The following HPS5 variants were observed in gnomAD, a reference collection of about 807,000 sequenced individuals.
HPS5 encodes the protein BLOC-2 complex member HPS5.
HPS5 carries 83 observed loss-of-function variants against 128.0 expected under a neutral mutation model. The observed-to-expected ratio is 0.65, with a 90% CI of 0.54 to 0.78. The LOEUF is 0.78. HPS5 is among the 30% of genes least tolerant of loss of function. The pLI is 0.00. For missense variants in HPS5, 1,281 were observed against 1,326.2 expected, an observed-to-expected ratio of 0.97 and a Z score of 0.53; for synonymous variants, 475 against 470.2, an observed-to-expected ratio of 1.01 and a Z score of -0.13.
At chr11:18,312,233 G>T (rs560394884) in intron 2 of HPS5, among the ~76,000 whole-genome samples, 6 of 152,296 alleles carry the variant, frequency 3.9e-5, no homozygotes, top group African/African-American at 1.2e-4. Flanking sequence ...ACTTCTAAAT[G>T]AATCTCACAA....
At position 18,317,872 on chromosome 11, in the gene HPS5, T is replaced by G. The variant is rs1420956324; in HGVS notation, c.-14A>C. 1.9e-6 allele frequency: 3 copies of G among 1,609,998 alleles called. No homozygotes were observed. The highest frequency in any genetic ancestry group is 3.4e-5 in the Admixed American group (2 of 59,616). On this transcript the variant is annotated 5_prime_UTR_variant, in exon 2 of 23. Coordinates refer to ENST00000349215, the MANE Select transcript of HPS5 (RefSeq NM_181507.2). ...CACAAAAGCCATTTAGCCAGAAAGC[T>G]GAAACTTGTTGAATGATAGATACAG...
chr11:18,298,140 T>A (rs947590796), intron 10 of HPS5, among the ~76,000 whole-genome samples: 3 of 149,462 alleles, frequency 2.0e-5, no homozygotes, highest in African/African-American at 7.4e-5. Flanking sequence ...AAAACTTCAA[T>A]GGTGCTTTAA....
rs1399655388 is a variant in HPS5, at chr11:18,298,870, T to C, written c.1086A>G (p.Glu362=). Residue 362 remains glutamate (E), a synonymous_variant, in exon 10 of 23, where the codon GAA becomes GAG. Transcript: ENST00000349215. ...TCCATAGGCCTCTTCTTAGCAGGCG[T>C]TCCACACAGCGCTCCACAGATATCA... is the stretch of plus-strand genomic sequence containing the variant. ...LSLISVERCV[E]RLLRRGLWNL... is the part of the protein sequence containing the mutation. The C allele has an allele frequency of 1.2e-6, 2 of 1,614,050 alleles. No homozygotes were observed. Among genetic ancestry groups the C allele is most frequent in the Non-Finnish European group, 1.7e-6 (2 of 1,180,040 alleles).
chr11:18,286,625 T>C lies in HPS5; in HGVS notation c.2803A>G (p.Ser935Gly), dbSNP rs1211816230. ...LLAVSLDAPP[S>G]TSTMDDEGYP... ...CCTTCATCATCCATTGTGCTGGTGC[T>C]TGGTGGAGCATCAAGGGACACTGCC... The change falls in exon 19 of 23, where the codon AGC becomes GGC. Residue 935 changes from serine to glycine, a missense_variant. Ser to Gly is a moderately conservative substitution (Grantham distance 56, BLOSUM62 0). Transcript: ENST00000349215. 1.2e-6 allele frequency: 2 copies of C among 1,613,960 alleles called. No homozygotes were observed. Among genetic ancestry groups the C allele is most frequent in the Non-Finnish European group, 1.7e-6 (2 of 1,179,992 alleles).
At chr11:18,300,795 G>T in intron 9 of HPS5, 33 bp downstream of exon 9, 1 of 1,071,668 alleles carries the variant, frequency 9.3e-7, no homozygotes, top group Non-Finnish European at 1.4e-6. Flanking sequence ...TCATAAGCAT[G>T]AGATTAAAAA....
chr11:18,305,207 T>C (rs147743225), intron 8 of HPS5, among the ~76,000 whole-genome samples: 1 of 152,366 alleles, frequency 6.6e-6, no homozygotes, highest in Non-Finnish European at 1.5e-5. Flanking sequence ...TTGGCAATTA[T>C]AAACTCTCCA....
chr11:18,302,835 G>GT (rs1861883360), intron 8 of HPS5, among the ~76,000 whole-genome samples: 1 of 74,530 alleles, frequency 1.3e-5, no homozygotes, highest in Non-Finnish European at 3.0e-5. Flanking sequence ...GGGGGGGGGG[G>GT]GTGTCAGAGG....
chr11:18,303,436 G>A (rs573121781), intron 8 of HPS5, among the ~76,000 whole-genome samples: 35 of 152,316 alleles, frequency 2.3e-4, no homozygotes, highest in African/African-American at 6.0e-4. Context: ...TCAAAGTGGC[G>A]TTAATTGTTG....
Position 18,297,671 on chromosome 11 carries a change from T to C in HPS5, c.1211A>G (p.Gln404Arg). ...ATCATTGTAGGTGCCATGGTCCAGC[T>C]GAGATTTCAAATGCTCCAATTTATC... ...TADKLEHLKS[Q>R]LDHGTYNDLI... is the part of the protein sequence containing the mutation. The change falls in exon 11 of 23, where the codon CAG becomes CGG. Residue 404 changes from glutamine to arginine, a missense_variant. Transcript: ENST00000349215. The C allele has an allele frequency of 6.2e-7, 1 of 1,614,114 alleles. No individual in the cohort carries two copies. Among genetic ancestry groups the C allele is most frequent in the Non-Finnish European group, 8.5e-7 (1 of 1,179,942 alleles).
chr11:18,295,875 G>A (rs1861003394), intron 13 of HPS5, 124 bp downstream of exon 13: 12 of 1,031,350 alleles, frequency 1.2e-5, no homozygotes, highest in Non-Finnish European at 1.6e-5. Flanking sequence ...AGCTCCATAT[G>A]ACAAGTTATA....
In HPS5 at chr11:18,317,882, T is replaced by G. The variant is rs972381769; in HGVS notation, c.-24A>C. On this transcript the variant is annotated 5_prime_UTR_variant, in exon 2 of 23. Transcript: ENST00000349215. ...ATTTAGCCAGAAAGCTGAAACTTGT[T>G]GAATGATAGATACAGTATTCCTCAC... The G allele has an allele frequency of 7.5e-6, 12 of 1,607,838 alleles. No homozygotes were observed. In the African/African-American group the frequency reaches 1.3e-4, roughly 18 times the overall value.
chr11:18,289,589 AATT>A (rs1860151718), intron 16 of HPS5, among the ~76,000 whole-genome samples: 1 of 152,144 alleles, frequency 6.6e-6, no homozygotes, highest in Non-Finnish European at 1.5e-5. Context: ...GAAAAAAAAA[AATT>A]ATTATGCTTT....
At chr11:18,285,679 A>C (rs535056596) in intron 19 of HPS5, among the ~76,000 whole-genome samples, 3 of 152,152 alleles carry the variant, frequency 2.0e-5, no homozygotes, top group Non-Finnish European at 4.4e-5. Flanking sequence ...AAAAGAAATA[A>C]ATTCTTTTTT....
chr11:18,291,476 A>G lies in HPS5; in HGVS notation c.2406T>C (p.Pro802=), dbSNP rs555028688. 1.2e-6 allele frequency: 2 copies of G among 1,612,218 alleles called. No homozygotes were observed. The highest frequency in any genetic ancestry group is 1.7e-6 in the Non-Finnish European group (2 of 1,178,336). The change falls in exon 16 of 23, where the codon CCT becomes CCC. Residue 802 remains proline, a synonymous_variant. Coordinates refer to ENST00000349215, the MANE Select transcript of HPS5 (RefSeq NM_181507.2). ...ESIKLSYSNS[P]SVWDTFIEGL... is the part of the protein sequence containing the mutation. Reference sequence around the variant, plus strand: ...CTTCAATAAAAGTATCCCAAACAGAAGGGCTATTACTGTAACTAAGCTTGA... The same window carrying G: ...CTTCAATAAAAGTATCCCAAACAGAGGGGCTATTACTGTAACTAAGCTTGA...
rs527344057 is a variant in HPS5, at chr11:18,279,797, T to G, written c.*85A>C. On this transcript the variant is annotated 3_prime_UTR_variant, in exon 23 of 23. Coordinates refer to ENST00000349215, the MANE Select transcript of HPS5 (RefSeq NM_181507.2). Reference sequence around the variant, plus strand: ...CAGGATTTGGGGGTGGTGTCTTTCCTTCAATAACAAATGCGTTCAGAAGGT... The same window carrying G: ...CAGGATTTGGGGGTGGTGTCTTTCCGTCAATAACAAATGCGTTCAGAAGGT... The G allele has an allele frequency of 1.3e-5, 18 of 1,353,310 alleles. No individual in the cohort carries two copies. The highest frequency in any genetic ancestry group is 1.9e-5 in the Non-Finnish European group (18 of 947,690). The allele number at this position is 1,353,310 out of a possible 1,614,324, so 83.8% of individuals were successfully genotyped here.
In HPS5 at chr11:18,278,736, T is replaced by C. The variant is rs1220869985; in HGVS notation, c.*1146A>G. On this transcript the variant is annotated 3_prime_UTR_variant, in exon 23 of 23. Transcript: ENST00000349215. The stretch of plus-strand genomic sequence containing the variant: ...TTCTGCAAAATGCTCATAATAAACC[T>C]CCTGTCTACATTGTGTTCCAATGAA... 1 of 152,282 alleles carries C rather than the reference T, an allele frequency of 6.6e-6. No homozygotes were observed. Among genetic ancestry groups the C allele is most frequent in the Non-Finnish European group, 1.5e-5 (1 of 68,054 alleles). 9.4% of individuals were successfully genotyped at this position (152,282 alleles called of 1,614,324 possible).
intron 8 of HPS5, among the ~76,000 whole-genome samples, chr11:18,304,095 TA>T (rs540673498): frequency 4.6e-4 from 70 of 152,214 alleles, no homozygotes; most frequent in African/African-American, 1.6e-3. Flanking sequence ...GGAAGAATGC[TA>T]AAGGAGGAAG....
chr11:18,282,421 T>C (rs867285102), intron 21 of HPS5, among the ~76,000 whole-genome samples: 1 of 151,260 alleles, frequency 6.6e-6, no homozygotes. Flanking sequence ...AAATTAACTT[T>C]AATTTTTTTC....
chr11:18,319,130 C>T (rs942543206), intron 1 of HPS5, among the ~76,000 whole-genome samples: 7 of 152,034 alleles, frequency 4.6e-5, no homozygotes, highest in African/African-American at 1.7e-4. Flanking sequence ...AAAATCTTCC[C>T]TCATTGTTTT....
Sources: gnomAD v4.1 joint callset for allele counts (sites outside exome capture counted in the v4.1 genomes callset) on GRCh38, gnomAD v4.1.1 for gene constraint, MANE v1.5 for transcripts, NCBI Gene and HGNC (gene_info 2026-07-23, HGNC 2026-07-21) for gene names.